The following HIVEP3 variants were observed in gnomAD, a reference collection of about 807,000 sequenced individuals.
HIVEP3 encodes the protein transcription factor HIVEP3.
A neutral mutation model predicts 152.8 loss-of-function variants in HIVEP3; 49 were observed. That is an observed-to-expected ratio of 0.32 (90% CI 0.26 to 0.41). HIVEP3 has a LOEUF of 0.41. Among genes scored for constraint, HIVEP3 ranks in the 10% least tolerant of loss-of-function variants. The pLI, the probability that HIVEP3 is intolerant of heterozygous loss-of-function variation, is 1.00. For synonymous variants in HIVEP3, 1,269 were observed against 1,289.0 expected, an observed-to-expected ratio of 0.98 and a Z score of 0.33; for missense variants, 2,790 against 3,103.3, an observed-to-expected ratio of 0.90 and a Z score of 2.40.
intron 1 of HIVEP3, among the ~76,000 whole-genome samples, chr1:41,726,498 A>G (rs981857230): frequency 1.3e-5 from 2 of 152,230 alleles, no homozygotes; most frequent in Admixed American, 6.5e-5. Flanking sequence ...TAAGTCCCAC[A>G]GTTACCTCCT....
In HIVEP3 at chr1:41,664,516, G is replaced by A. The variant is rs1645764853; in HGVS notation, c.-720-35569C>T. Among the ~76,000 whole-genome samples, 1 of 152,222 alleles carries A rather than the reference G, an allele frequency of 6.6e-6. No individual in the cohort carries two copies. Among genetic ancestry groups the A allele is most frequent in the Admixed American group, 6.5e-5 (1 of 15,284 alleles). Reference sequence around the variant, plus strand: ...GACTTGCCCATCACCTCACATTGAAGTCAGTTATTGGGGGCCTCCTCTTCC... The same window carrying A: ...GACTTGCCCATCACCTCACATTGAAATCAGTTATTGGGGGCCTCCTCTTCC... On this transcript the variant is annotated intron_variant, in intron 2 of 8. Transcript: ENST00000372583. This position sits in a 1 kb window ranked among gnomAD's most constrained non-coding sequence, Gnocchi z 4.4.
At chr1:41,865,311 T>A (rs766240651) in intron 1 of HIVEP3, among the ~76,000 whole-genome samples, 15 of 152,208 alleles carry the variant, frequency 9.9e-5, no homozygotes, top group Non-Finnish European at 2.1e-4. Flanking sequence ...ACCAATGAGC[T>A]GGACCCACTG....
chr1:41,530,742 C>CCTAGAA (rs1257362851), intron 5 of HIVEP3, among the ~76,000 whole-genome samples: 2 of 152,254 alleles, frequency 1.3e-5, no homozygotes, highest in African/African-American at 4.8e-5. Context: ...TGCCAGCCAA[C>CCTAGAA]CTAGAAGCAG....
At chr1:41,896,652 G>A (rs187890953) in intron 1 of HIVEP3, among the ~76,000 whole-genome samples, 2 of 150,358 alleles carry the variant, frequency 1.3e-5, no homozygotes, top group East Asian at 2.0e-4. Context: ...TCGGGTCACC[G>A]CAACCTCTGC....
intron 1 of HIVEP3, among the ~76,000 whole-genome samples, chr1:41,993,800 C>T (rs985853058): frequency 6.6e-6 from 1 of 151,588 alleles, no homozygotes; most frequent in Non-Finnish European, 1.5e-5. Context: ...CACATATACA[C>T]CATGGAATAC....
chr1:41,793,837 A>C (rs185140881), intron 1 of HIVEP3, among the ~76,000 whole-genome samples: 1,678 of 152,366 alleles, frequency 0.011, 10 homozygotes, highest in South Asian at 0.027. Context: ...ACAAAGAAGA[A>C]AATAAAAATT....
At chr1:41,654,611 T>C (rs1043650215) in intron 2 of HIVEP3, among the ~76,000 whole-genome samples, 3 of 152,266 alleles carry the variant, frequency 2.0e-5, no homozygotes, top group African/African-American at 7.2e-5. Context: ...GACATTAACA[T>C]TGGTACATTA....
At chr1:41,916,308 T>C (rs1644870579) in intron 1 of HIVEP3, among the ~76,000 whole-genome samples, 1 of 152,082 alleles carries the variant, frequency 6.6e-6, no homozygotes, top group Non-Finnish European at 1.5e-5. Context: ...GAGTTCACAG[T>C]AGTAGTTGGC....
intron 1 of HIVEP3, among the ~76,000 whole-genome samples, chr1:41,807,064 G>A (rs377419256): frequency 5.3e-5 from 8 of 152,084 alleles, no homozygotes; most frequent in East Asian, 3.9e-4. Context: ...CTCTGCCCCC[G>A]CTACTTTCCT....
chr1:41,675,296 C>A (rs1645937908), intron 2 of HIVEP3, among the ~76,000 whole-genome samples: 1 of 152,148 alleles, frequency 6.6e-6, no homozygotes, highest in African/African-American at 2.4e-5. Context: ...TTTCGGTGCC[C>A]CCTGCCTCAG....
rs1644424475 is a variant in HIVEP3 at position 41,509,880 on chromosome 1, G to A, written c.*571C>T. 6.6e-6 allele frequency: 1 copy of A among 151,946 alleles called. No homozygotes were observed. The highest frequency in any genetic ancestry group is 1.5e-5 in the Non-Finnish European group (1 of 68,042). The allele number at this position is 151,946 out of a possible 1,614,324, so 9.4% of individuals were successfully genotyped here. Reference sequence around the variant, plus strand: ...TTAGTTTTTCTGGGCCTGCCTGCTGGGGCCTGGGTGGGGGTCACCTGCCTG... The same window carrying A: ...TTAGTTTTTCTGGGCCTGCCTGCTGAGGCCTGGGTGGGGGTCACCTGCCTG... On this transcript the variant is annotated 3_prime_UTR_variant, in exon 9 of 9. Coordinates refer to ENST00000372583, the MANE Select transcript of HIVEP3 (RefSeq NM_024503.5).
chr1:41,700,645 A>G (rs1428572953), intron 2 of HIVEP3, among the ~76,000 whole-genome samples: 2 of 152,204 alleles, frequency 1.3e-5, no homozygotes, highest in East Asian at 3.8e-4. Context: ...TTCCTGAGCA[A>G]TAAAGGCAGG....
Position 41,575,598 on chromosome 1 carries a change from T to A in HIVEP3, c.5153A>T (p.Asp1718Val), listed in dbSNP as rs760533942. The change falls in exon 5 of 9, where the codon GAT becomes GTT. Residue 1718 changes from aspartate to valine, a missense_variant. By Grantham distance (152) the Asp-to-Val change is radical (BLOSUM62 -3). This residue lies in a region of HIVEP3 where 1,078 missense variants were observed against 1,165.3 expected (regional missense o/e 0.93). Transcript: ENST00000372583. ...EEERRGEPEE[D>V]APASQRGEPA... ...CTCCCCTCTCTGGGAGGCAGGAGCA[T>A]CCTCCTCCGGCTCCCCTCTCCTCTC... 56 of 1,613,804 alleles carry A rather than the reference T, an allele frequency of 3.5e-5. No individual in the cohort carries two copies. Among genetic ancestry groups the A allele is most frequent in the East Asian group, 4.5e-5 (2 of 44,888 alleles).
chr1:41,891,674 A>G (rs1570751266), intron 1 of HIVEP3, among the ~76,000 whole-genome samples: 1 of 152,222 alleles, frequency 6.6e-6, no homozygotes, highest in Non-Finnish European at 1.5e-5. Flanking sequence ...GGCACTCCCC[A>G]GAAGTCCTTG....
At chr1:41,545,686 T>TCATCACCATCACCACCACCAC (rs1643776060) in intron 5 of HIVEP3, among the ~76,000 whole-genome samples, 1 of 7,662 alleles carries the variant, frequency 1.3e-4, no homozygotes, top group African/African-American at 5.6e-4. Flanking sequence ...ACCACCACCA[T>TCATCACCATCACCACCACCAC]CACCACCATC....
intron 2 of HIVEP3, among the ~76,000 whole-genome samples, chr1:41,644,602 C>A (rs1645429407): frequency 6.6e-6 from 1 of 152,104 alleles, no homozygotes; most frequent in Non-Finnish European, 1.5e-5. Flanking sequence ...TAAGTCAGAT[C>A]CCCTTTTGAT....
chr1:41,688,933 T>C (rs1318277429), intron 2 of HIVEP3, among the ~76,000 whole-genome samples: 1 of 151,964 alleles, frequency 6.6e-6, no homozygotes, highest in Non-Finnish European at 1.5e-5. Flanking sequence ...CAAGCTCACC[T>C]CCCAGCCTCC....
rs1186632097 is a variant in HIVEP3, at chr1:41,507,026, G to A, written c.*3425C>T. On this transcript the variant is annotated 3_prime_UTR_variant, in exon 9 of 9. Transcript: ENST00000372583. ...GCAGAATTGGTGGAACAGGCTTTCGGGAACTTTCTTCCCCTGGTCACACGG... is the reference window on the plus strand; with the variant it reads ...GCAGAATTGGTGGAACAGGCTTTCGAGAACTTTCTTCCCCTGGTCACACGG... 6.6e-6 allele frequency: 1 copy of A among 152,052 alleles called. No individual in the cohort carries two copies. Among genetic ancestry groups the A allele is most frequent in the Non-Finnish European group, 1.5e-5 (1 of 68,026 alleles). 9.4% of individuals were successfully genotyped at this position (152,052 alleles called of 1,614,324 possible).
At chr1:41,742,416 T>C (rs544875850) in intron 1 of HIVEP3, among the ~76,000 whole-genome samples, 1 of 152,348 alleles carries the variant, frequency 6.6e-6, no homozygotes, top group African/African-American at 2.4e-5. Flanking sequence ...AGGCAGCTAA[T>C]AATTACTTTT....
Sources: allele counts gnomAD v4.1 joint callset (sites outside exome capture counted in the v4.1 genomes callset), GRCh38; gene constraint gnomAD v4.1.1; regional missense constraint gnomAD v4.1.1; non-coding constraint Gnocchi (gnomAD v3.1); transcripts MANE v1.5; gene names NCBI Gene and HGNC (gene_info 2026-07-23, HGNC 2026-07-21).